Variants in MED15 observed in about 807,000 individuals in gnomAD.
MED15 encodes mediator of RNA polymerase II transcription subunit 15.
MED15 carries 41 observed loss-of-function variants against 118.7 expected under a neutral mutation model. That is an observed-to-expected ratio of 0.35 (90% confidence interval 0.27 to 0.45). The LOEUF (loss-of-function observed/expected upper bound fraction) is 0.45. MED15 is among the 20% of genes least tolerant of loss of function. The pLI is 1.00. For missense variants in MED15, 740 were observed against 1,025.5 expected (o/e 0.72, Z 3.80); for synonymous variants, 436 against 413.9 (o/e 1.05, Z -0.65).
intron 1 of MED15, among the ~76,000 whole-genome samples, chr22:20,531,253 T>C (rs2146416569): frequency 6.6e-6 from 1 of 152,336 alleles, no homozygotes; most frequent in Non-Finnish European, 1.5e-5. Context: ...ACTGGACTCC[T>C]GTTGCCAGTT....
intron 1 of MED15, among the ~76,000 whole-genome samples, chr22:20,534,416 T>C (rs959047938): frequency 6.6e-6 from 1 of 152,012 alleles, no homozygotes. Context: ...TCCCAGCTAT[T>C]TGGGAGGCTG....
At position 20,582,833 on chromosome 22, in the gene MED15, G is replaced by A. The variant is rs373220976; in HGVS notation, c.1410-7G>A. 232 of 1,610,468 alleles carry A rather than the reference G, an allele frequency of 1.4e-4. No individual in the cohort carries two copies. Among genetic ancestry groups the A allele is most frequent in the South Asian group, 3.2e-4 (29 of 90,936 alleles). ...CCGGCTCACATGTTTCTCTCACTTG[G>A]CTGCAGCTCTGGCCCTGCCCCATCT... On this transcript the variant is annotated splice_region_variant and splice_polypyrimidine_tract_variant and intron_variant, in intron 10 of 17. Coordinates refer to ENST00000263205, the MANE Select transcript of MED15 (RefSeq NM_001003891.3).
At chr22:20,552,166 G>T (rs1489675120) in intron 3 of MED15, among the ~76,000 whole-genome samples, 1 of 152,222 alleles carries the variant, frequency 6.6e-6, no homozygotes, top group African/African-American at 2.4e-5. Context: ...GCCAGCAGCT[G>T]CTCTGTGTTT....
chr22:20,541,884 G>A (rs111920662), intron 2 of MED15, among the ~76,000 whole-genome samples: 126 of 152,248 alleles, frequency 8.3e-4, no homozygotes, highest in African/African-American at 2.3e-3. Flanking sequence ...TCTTGACTTT[G>A]TGATCCACCC....
chr22:20,518,842 T>C (rs1017301665), intron 1 of MED15: 6 of 453,556 alleles, frequency 1.3e-5, no homozygotes, highest in Non-Finnish European at 2.6e-5. Flanking sequence ...GATTTTCTTT[T>C]TGAGACATTC....
chr22:20,586,602 C>T lies in MED15; in HGVS notation c.2265C>T (p.Cys755=). The change falls in exon 18 of 18, where the codon TGC becomes TGT. Residue 755 remains cysteine, a synonymous_variant. Coordinates refer to ENST00000263205, the MANE Select transcript of MED15 (RefSeq NM_001003891.3). ...CCTTCCTCCAGTCGGTGCACCGCTGCATGACCTCCAGGCTGCTGCAGCTCC... is the reference window on the plus strand; with the variant it reads ...CCTTCCTCCAGTCGGTGCACCGCTGTATGACCTCCAGGCTGCTGCAGCTCC... ...ANPFLQSVHR[C]MTSRLLQLPD... 3 of 1,613,012 alleles carry T rather than the reference C, an allele frequency of 1.9e-6. No individual in the cohort carries two copies. The highest frequency in any genetic ancestry group is 2.5e-6 in the Non-Finnish European group (3 of 1,179,948).
chr22:20,535,813 C>A (rs1436944378), intron 1 of MED15, among the ~76,000 whole-genome samples: 1 of 151,560 alleles, frequency 6.6e-6, no homozygotes, highest in Non-Finnish European at 1.5e-5. Flanking sequence ...CCCGCCTTGG[C>A]CTCCCAAAGT....
At chr22:20,532,771 G>A (rs1377880283) in intron 1 of MED15, among the ~76,000 whole-genome samples, 1 of 152,200 alleles carries the variant, frequency 6.6e-6, no homozygotes, top group Non-Finnish European at 1.5e-5. Flanking sequence ...ATGTTGGACA[G>A]GACTGTGGCA....
chr22:20,529,374 A>G (rs1349732581), intron 1 of MED15, among the ~76,000 whole-genome samples: 2 of 151,874 alleles, frequency 1.3e-5, no homozygotes, highest in African/African-American at 2.4e-5. Flanking sequence ...CAGCTTCCCA[A>G]GTAGCTGGGA....
At chr22:20,526,463 A>G (rs1473129708) in intron 1 of MED15, among the ~76,000 whole-genome samples, 1 of 152,144 alleles carries the variant, frequency 6.6e-6, no homozygotes, top group Non-Finnish European at 1.5e-5. Context: ...CCAGTATTCT[A>G]CTTTCTGCAT....
At chr22:20,523,825 A>G (rs1424264075) in intron 1 of MED15, 2 of 985,436 alleles carry the variant, frequency 2.0e-6, no homozygotes, top group African/African-American at 1.7e-5. Flanking sequence ...ACAACAGTAC[A>G]CAGTTTGAAG....
chr22:20,587,613 C>G lies in MED15; in HGVS notation c.*909C>G. On this transcript the variant is annotated 3_prime_UTR_variant, in exon 18 of 18. Transcript: ENST00000263205. ...TGTGATTATAATAAATTTATTATTC[C>G]TGTGTTTGTCAGTTGTTCATCACTG... 1 of 541,390 alleles carries G rather than the reference C, an allele frequency of 1.8e-6. No homozygotes were observed. Among genetic ancestry groups the G allele is most frequent in the Non-Finnish European group, 2.9e-6 (1 of 343,966 alleles). The allele number at this position is 541,390 out of a possible 1,614,324, so 33.5% of individuals were successfully genotyped here. A position where few individuals can be genotyped will look rare whatever the true frequency, so the allele number is the denominator to read the frequency against.
At chr22:20,568,980 GTC>G (rs1287522761) in intron 8 of MED15, among the ~76,000 whole-genome samples, 1 of 152,208 alleles carries the variant, frequency 6.6e-6, no homozygotes, top group African/African-American at 2.4e-5. Context: ...CCATTTGAGA[GTC>G]TGAGTACAGA....
chr22:20,540,865 C>T (rs1437654294), intron 2 of MED15, among the ~76,000 whole-genome samples: 3 of 151,152 alleles, frequency 2.0e-5, no homozygotes, highest in Admixed American at 6.7e-5. Flanking sequence ...GGTTTAATAT[C>T]CAGAATACAT....
At chr22:20,577,312 G>A (rs1177441177) in intron 9 of MED15, among the ~76,000 whole-genome samples, 1 of 152,002 alleles carries the variant, frequency 6.6e-6, no homozygotes, top group East Asian at 1.9e-4. Context: ...TCTGTCCTGG[G>A]CTTTGGCTTG....
At chr22:20,539,705 A>G (rs896468173) in intron 2 of MED15, among the ~76,000 whole-genome samples, 2 of 152,208 alleles carry the variant, frequency 1.3e-5, no homozygotes, top group African/African-American at 4.8e-5. Flanking sequence ...CCAGCAGCTT[A>G]AATGAGGTTT....
intron 1 of MED15, chr22:20,523,556 C>T (rs961174044): frequency 4.8e-6 from 3 of 626,586 alleles, no homozygotes; most frequent in African/African-American, 4.0e-5. Flanking sequence ...GAGTGCAGAT[C>T]TCTAAAAGAT....
chr22:20,546,951 G>GA (rs1173849463), intron 2 of MED15, among the ~76,000 whole-genome samples: 4 of 152,118 alleles, frequency 2.6e-5, no homozygotes, highest in African/African-American at 9.6e-5. Flanking sequence ...ACAGAACTAA[G>GA]AAAAAACATG....
At chr22:20,515,608 G>A (rs2054221591) in intron 1 of MED15, among the ~76,000 whole-genome samples, 3 of 151,898 alleles carry the variant, frequency 2.0e-5, no homozygotes, top group Admixed American at 2.0e-4. Context: ...TGGGCAACAT[G>A]GTGAAACCCC....
Sources: gnomAD v4.1 joint callset for allele counts (sites outside exome capture counted in the v4.1 genomes callset) on GRCh38, gnomAD v4.1.1 for gene constraint, MANE v1.5 for transcripts, NCBI Gene and HGNC (gene_info 2026-07-23, HGNC 2026-07-21) for gene names.